The following IL2RA variants were observed in gnomAD, a reference collection of about 807,000 sequenced individuals.
IL2RA encodes interleukin 2 receptor subunit alpha.
In IL2RA, 24 loss-of-function variants were observed where a neutral mutation model predicts 37.8. The ratio of observed to expected loss-of-function variants is 0.63; its 90% CI spans 0.46 to 0.89. IL2RA has a LOEUF of 0.89. Ranked by LOEUF, IL2RA falls within the 40% of genes least tolerant of loss-of-function variation. The pLI, the probability that IL2RA is intolerant of heterozygous loss-of-function variation, is 0.00. For synonymous variants in IL2RA, 125 were observed against 114.6 expected (o/e 1.09, Z -0.58); for missense variants, 319 against 348.6 (o/e 0.92, Z 0.68).
At chr10:6,055,417 A>C (rs371853522) in intron 1 of IL2RA, among the ~76,000 whole-genome samples, 1 of 14,066 alleles carries the variant, frequency 7.1e-5, no homozygotes, top group African/African-American at 1.2e-4. Context: ...CTTGGCCATC[A>C]CTTTTTTTTT....
At chr10:6,059,031 T>C (rs1289754091) in intron 1 of IL2RA, among the ~76,000 whole-genome samples, 1 of 152,222 alleles carries the variant, frequency 6.6e-6, no homozygotes, top group Non-Finnish European at 1.5e-5. Context: ...CCCTGAGGAA[T>C]AAAAAGTCTG....
chr10:6,051,840 T>TATATATAG lies in IL2RA; in HGVS notation c.64+10247_64+10248insCTATATAT, dbSNP rs1554831689. Among the ~76,000 whole-genome samples, 2 of 124,488 alleles carry TATATATAG rather than the reference T, an allele frequency of 1.6e-5. 1 individual carries two copies. The highest frequency in any genetic ancestry group is 3.4e-5 in the Non-Finnish European group (2 of 58,784). 81.7% of individuals were successfully genotyped at this position (124,488 alleles called of 152,430 possible). A position where few individuals can be genotyped will look rare whatever the true frequency, so the allele number is the denominator to read the frequency against. On this transcript the variant is annotated intron_variant, in intron 1 of 7. Coordinates refer to ENST00000379959, the MANE Select transcript of IL2RA (RefSeq NM_000417.3). ...AGCTATATATATATATATATATATA[T>TATATATAG]ATAGAATTTTTTAAGGAAACATTGC...
Position 6,028,011 on chromosome 10 carries a change from T to G in IL2RA, c.65-1986A>C, listed in dbSNP as rs560437945. On this transcript the variant is annotated intron_variant, in intron 1 of 7. Coordinates refer to ENST00000379959, the MANE Select transcript of IL2RA (RefSeq NM_000417.3). This position sits in a 1 kb window ranked among gnomAD's most constrained non-coding sequence, Gnocchi z 4.1. ...TCTGCTGAAACAGCTGTAAAACCAGTCCAAATGTATACAGCAAGTGCTTTC... is the reference window on the plus strand; with the variant it reads ...TCTGCTGAAACAGCTGTAAAACCAGGCCAAATGTATACAGCAAGTGCTTTC... 3.9e-5 allele frequency among the ~76,000 whole-genome samples: 6 copies of G among 152,294 alleles called. No homozygotes were observed. The South Asian group carries it at 1.0e-3, about 26-fold the overall frequency.
Position 6,020,084 on chromosome 10 carries a change from C to T in IL2RA, c.584-143G>A. ...TGTGGGCACTTCGCCAGGGATGCCA[C>T]CCCTCATGGTTCCACAGCAGGGGCA... On this transcript the variant is annotated intron_variant, in intron 4 of 7. Transcript: ENST00000379959. The surrounding 1 kb of genome is among the most constrained non-coding windows in gnomAD (Gnocchi z 5.6). 1 of 694,534 alleles carries T rather than the reference C, an allele frequency of 1.4e-6. No homozygotes were observed. Among genetic ancestry groups the T allele is most frequent in the Middle Eastern group, 3.3e-4 (1 of 3,034 alleles). 43.0% of individuals were successfully genotyped at this position (694,534 alleles called of 1,614,324 possible).
intron 1 of IL2RA, among the ~76,000 whole-genome samples, chr10:6,051,542 C>T (rs1163403537): frequency 2.2e-5 from 3 of 134,462 alleles, no homozygotes; most frequent in Non-Finnish European, 3.1e-5. Flanking sequence ...TTTTTTGAGA[C>T]GGAGTTTCCC....
In IL2RA at chr10:6,048,983, A is replaced by G. The variant is rs955552694; in HGVS notation, c.64+13105T>C. Among the ~76,000 whole-genome samples the G allele has an allele frequency of 6.6e-6, 1 of 152,204 alleles. No individual in the cohort carries two copies. Among genetic ancestry groups the G allele is most frequent in the African/African-American group, 2.4e-5 (1 of 41,456 alleles). On this transcript the variant is annotated intron_variant, in intron 1 of 7. Coordinates refer to ENST00000379959, the MANE Select transcript of IL2RA (RefSeq NM_000417.3). The surrounding 1 kb of genome is among the most constrained non-coding windows in gnomAD (Gnocchi z 5.3). ...TTTTGTCTTGGGCCTTGGTCATTGT[A>G]TTATTCAGGGAAACAGAATTTCTCT...
rs1839677974 is a variant in IL2RA, at chr10:6,036,111, CTT to C, written c.65-10088_65-10087del. 1 of 152,246 alleles carries C rather than the reference CTT, an allele frequency of 6.6e-6. No homozygotes were observed. The highest frequency in any genetic ancestry group is 2.4e-5 in the African/African-American group (1 of 41,452). 9.4% of individuals were successfully genotyped at this position (152,246 alleles called of 1,614,324 possible). On this transcript the variant is annotated intron_variant, in intron 1 of 7. Coordinates refer to ENST00000379959, the MANE Select transcript of IL2RA (RefSeq NM_000417.3). This position sits in a 1 kb window ranked among gnomAD's most constrained non-coding sequence, Gnocchi z 6.1. Reference sequence around the variant, plus strand: ...GTGAAGGGCCCTCGACAATGCTTCTCTTTGCATTGTGGGGTTTCCCCTTCAAT... The same window carrying C: ...GTGAAGGGCCCTCGACAATGCTTCTCTGCATTGTGGGGTTTCCCCTTCAAT...
rs1839866774 is a variant in IL2RA at position 6,046,697 on chromosome 10, T to C, written c.64+15391A>G. ...ATACAGGCTTGCATTTCTCCAGAGT[T>C]CCTTGAAAGCATTGGTGCTCAACTA... On this transcript the variant is annotated intron_variant, in intron 1 of 7. Transcript: ENST00000379959. This position sits in a 1 kb window ranked among gnomAD's most constrained non-coding sequence, Gnocchi z 4.8. 6.6e-6 allele frequency among the ~76,000 whole-genome samples: 1 copy of C among 152,248 alleles called. No individual in the cohort carries two copies. Among genetic ancestry groups the C allele is most frequent in the Admixed American group, 6.5e-5 (1 of 15,290 alleles).
rs186900696 is a variant in IL2RA, at chr10:6,022,187, G to A, written c.368-494C>T. ...GAGGAAGTGCATTCTTGGGGGCAGC[G>A]GCTGGGCATCTTGGGATGATGTCGG... On this transcript the variant is annotated intron_variant, in intron 3 of 7. Transcript: ENST00000379959. The surrounding 1 kb of genome is among the most constrained non-coding windows in gnomAD (Gnocchi z 4.7). Among the ~76,000 whole-genome samples the A allele has an allele frequency of 5.4e-4, 82 of 152,240 alleles. No homozygotes were observed. The highest frequency in any genetic ancestry group is 1.5e-3 in the South Asian group (7 of 4,818).
At chr10:6,027,743 A>G (rs1359111721) in intron 1 of IL2RA, among the ~76,000 whole-genome samples, 1 of 152,214 alleles carries the variant, frequency 6.6e-6, no homozygotes, top group Non-Finnish European at 1.5e-5. Context: ...AGAGAATGGT[A>G]ATTCAGATAG....
chr10:6,027,311 G>T (rs978930683), intron 1 of IL2RA, among the ~76,000 whole-genome samples: 1 of 150,666 alleles, frequency 6.6e-6, no homozygotes, highest in Non-Finnish European at 1.5e-5. Context: ...GGGAAACCCA[G>T]CAAGACTCTG....
chr10:6,012,838 C>T lies in IL2RA; in HGVS notation c.*34G>A. On this transcript the variant is annotated 3_prime_UTR_variant, in exon 8 of 8. Coordinates refer to ENST00000379959, the MANE Select transcript of IL2RA (RefSeq NM_000417.3). The surrounding 1 kb of genome is among the most constrained non-coding windows in gnomAD (Gnocchi z 4.8). Reference sequence around the variant, plus strand: ...CATGACTTCTGTTGTCTGTTCCCGGCTTCTTACCAAGAAATTCTTGTTCTT... The same window carrying T: ...CATGACTTCTGTTGTCTGTTCCCGGTTTCTTACCAAGAAATTCTTGTTCTT... 1.1e-5 allele frequency: 17 copies of T among 1,609,596 alleles called. No individual in the cohort carries two copies. The highest frequency in any genetic ancestry group is 1.4e-5 in the Non-Finnish European group (17 of 1,175,912).
rs1040316578 is a variant in IL2RA at position 6,035,161 on chromosome 10, C to A, written c.65-9136G>T. Among the ~76,000 whole-genome samples the A allele has an allele frequency of 6.6e-6, 1 of 152,168 alleles. No homozygotes were observed. The highest frequency in any genetic ancestry group is 2.4e-5 in the African/African-American group (1 of 41,450). On this transcript the variant is annotated intron_variant, in intron 1 of 7. Coordinates refer to ENST00000379959, the MANE Select transcript of IL2RA (RefSeq NM_000417.3). The surrounding 1 kb of genome is among the most constrained non-coding windows in gnomAD (Gnocchi z 5.4). ...TGGGGCTCCTGTCCACCCTGCCCAGCACCTACTCCCACCAGGCAACTGAGT... is the reference window on the plus strand; with the variant it reads ...TGGGGCTCCTGTCCACCCTGCCCAGAACCTACTCCCACCAGGCAACTGAGT...
chr10:6,051,210 TG>T (rs1173968447), intron 1 of IL2RA, among the ~76,000 whole-genome samples: 1 of 152,126 alleles, frequency 6.6e-6, no homozygotes, highest in African/African-American at 2.4e-5. Context: ...TCAGCTGGGT[TG>T]CAGGCTCTGC....
Position 6,018,260 on chromosome 10 carries a change from AG to A in IL2RA, c.728-142del, listed in dbSNP as rs775652245. On this transcript the variant is annotated intron_variant, in intron 6 of 7. Coordinates refer to ENST00000379959, the MANE Select transcript of IL2RA (RefSeq NM_000417.3). This position sits in a 1 kb window ranked among gnomAD's most constrained non-coding sequence, Gnocchi z 5.1. The stretch of plus-strand genomic sequence containing the variant: ...GCCTCTCTTCCCTGTCTCAGGAAGT[AG>A]GTCCCTCCCCATGGGATTTCCTAGG... 2.6e-4 allele frequency: 182 copies of A among 704,056 alleles called. 1 individual carries two copies. Among genetic ancestry groups the A allele is most frequent in the Non-Finnish European group, 5.0e-5 (19 of 383,146 alleles). The allele number at this position is 704,056 out of a possible 1,614,324, so 43.6% of individuals were successfully genotyped here.
At chr10:6,026,061 G>C in intron 1 of IL2RA, 36 bp from the exon 2 acceptor site, 1 of 1,599,266 alleles carries the variant, frequency 6.3e-7, no homozygotes, top group Non-Finnish European at 8.6e-7. Context: ...GAACTCAAGA[G>C]GCCCCAGGCA....
intron 1 of IL2RA, among the ~76,000 whole-genome samples, chr10:6,032,231 T>A (rs1033733059): frequency 4.6e-5 from 7 of 152,182 alleles, no homozygotes; most frequent in African/African-American, 1.7e-4. Flanking sequence ...TAGGTCTATA[T>A]CTTATAGATG....
chr10:6,019,718 GC>G (rs1188907460), intron 5 of IL2RA, 151 bp downstream of exon 5: 2 of 824,282 alleles, frequency 2.4e-6, no homozygotes, highest in African/African-American at 3.4e-5. Context: ...CCTGCAGGTT[GC>G]TGAGGCCCTG....
chr10:6,049,396 T>C (rs1224134979), intron 1 of IL2RA, among the ~76,000 whole-genome samples: 1 of 152,192 alleles, frequency 6.6e-6, no homozygotes, highest in Non-Finnish European at 1.5e-5. Flanking sequence ...CCCAGTCTAT[T>C]CAATTCAAAT....
Sources: gnomAD v4.1 joint callset for allele counts (sites outside exome capture counted in the v4.1 genomes callset) on GRCh38, gnomAD v4.1.1 for gene constraint, Gnocchi (gnomAD v3.1) non-coding constraint, MANE v1.5 for transcripts, NCBI Gene and HGNC (gene_info 2026-07-23, HGNC 2026-07-21) for gene names.